Variants in RBPJ observed in about 807,000 individuals in gnomAD.
RBPJ encodes recombining binding protein suppressor of hairless.
In RBPJ, 9 loss-of-function variants were observed where a neutral mutation model predicts 67.8. The observed-to-expected ratio is 0.13, with a 90% confidence interval of 0.08 to 0.23. The LOEUF is 0.23. RBPJ is among the 10% of genes least tolerant of loss of function. The pLI is 1.00. For missense variants in RBPJ, 305 were observed against 595.6 expected, an observed-to-expected ratio of 0.51 and a Z score of 5.08; for synonymous variants, 198 against 203.3, an observed-to-expected ratio of 0.97 and a Z score of 0.22.
intron 1 of RBPJ, among the ~76,000 whole-genome samples, chr4:26,283,237 T>A (rs1339361234): frequency 6.7e-6 from 1 of 150,302 alleles, no homozygotes; most frequent in Non-Finnish European, 1.5e-5. Flanking sequence ...CCTCTTATTT[T>A]TAAATTAAAG....
intron 2 of RBPJ, 95 bp from the exon 3 acceptor site, chr4:26,406,080 T>C: frequency 1.4e-6 from 1 of 729,196 alleles, no homozygotes; most frequent in East Asian, 2.5e-5. Context: ...TAAAAAATAT[T>C]TATAAGCATT....
chr4:26,365,249 T>TA (rs1728508625), intron 1 of RBPJ, among the ~76,000 whole-genome samples: 2 of 152,188 alleles, frequency 1.3e-5, no homozygotes, highest in African/African-American at 4.8e-5. Context: ...CTGAGTCTTG[T>TA]ACTCTTCTAT....
chr4:26,405,461 G>A (rs556323851), intron 2 of RBPJ, among the ~76,000 whole-genome samples: 1 of 152,248 alleles, frequency 6.6e-6, no homozygotes, highest in South Asian at 2.1e-4. Context: ...AATTGAGTAT[G>A]TAAATACATT....
At chr4:26,279,654 G>A (rs1051018065) in intron 1 of RBPJ, among the ~76,000 whole-genome samples, 26 of 152,164 alleles carry the variant, frequency 1.7e-4, no homozygotes, top group Non-Finnish European at 3.7e-4. Flanking sequence ...TCTAAGACCA[G>A]TCCAGACAAG....
At chr4:26,295,388 G>A (rs189204730) in intron 1 of RBPJ, among the ~76,000 whole-genome samples, 5 of 152,220 alleles carry the variant, frequency 3.3e-5, no homozygotes, top group African/African-American at 1.2e-4. Context: ...ATTGTAAGTA[G>A]TTAATGCTAG....
chr4:26,387,909 C>A (rs556129045), intron 2 of RBPJ, among the ~76,000 whole-genome samples: 36 of 152,240 alleles, frequency 2.4e-4, no homozygotes, highest in African/African-American at 8.7e-4. Context: ...TGGGTCCAGG[C>A]ATGATGCTCT....
At chr4:26,296,282 C>T (rs1334937012) in intron 1 of RBPJ, among the ~76,000 whole-genome samples, 2 of 152,186 alleles carry the variant, frequency 1.3e-5, no homozygotes, top group African/African-American at 4.8e-5. Flanking sequence ...CCTACCCCAC[C>T]TCTAACAATG....
the RBPJ span, among the ~76,000 whole-genome samples, chr4:26,115,388 AG>A: frequency 6.6e-6 from 1 of 151,732 alleles, no homozygotes; most frequent in African/African-American, 2.4e-5. Context: ...GGCCAGTATA[AG>A]TTTTTTTTTT....
intron 2 of RBPJ, among the ~76,000 whole-genome samples, chr4:26,392,081 A>C (rs1465868157): frequency 6.6e-6 from 1 of 152,146 alleles, no homozygotes; most frequent in African/African-American, 2.4e-5. Context: ...ACCTCCTATT[A>C]GGTTTCAACA....
At chr4:26,297,697 CAAAGAAAAAAAGAAAGAA>C (rs1359244694) in intron 1 of RBPJ, among the ~76,000 whole-genome samples, 4 of 149,914 alleles carry the variant, frequency 2.7e-5, no homozygotes, top group African/African-American at 7.4e-5. Flanking sequence ...TATAATTTAT[CAAAGAAAAAAAGAAAGAA>C]AAAGAAAAAA....
rs1259577907 is a variant in RBPJ, at chr4:26,177,526, A to C, written c.-167+13912A>C. On this transcript the variant is annotated intron_variant, in intron 1 of 4. Transcript: ENST00000512351. Reference sequence around the variant, plus strand: ...CGAGAGGTGGAGGTTGCAGTGAGCCAAGATTGCACCACTGCACTCCAGCCT... The same window carrying C: ...CGAGAGGTGGAGGTTGCAGTGAGCCCAGATTGCACCACTGCACTCCAGCCT... 6.6e-5 allele frequency among the ~76,000 whole-genome samples: 10 copies of C among 152,224 alleles called. No individual in the cohort carries two copies. The South Asian group carries it at 1.5e-3, about 22-fold the overall frequency.
chr4:26,412,144 A>G (rs1379026048), intron 3 of RBPJ, among the ~76,000 whole-genome samples: 1 of 150,090 alleles, frequency 6.7e-6, no homozygotes, highest in Non-Finnish European at 1.5e-5. Flanking sequence ...ACCATTTATG[A>G]TAACTCATTG....
chr4:26,393,986 C>T (rs1054603046), intron 2 of RBPJ, among the ~76,000 whole-genome samples: 2 of 151,468 alleles, frequency 1.3e-5, no homozygotes, highest in East Asian at 3.9e-4. Context: ...TTGATTAAGG[C>T]TCGTTAATAA....
At chr4:26,229,027 C>A in intron 1 of RBPJ, among the ~76,000 whole-genome samples, 1 of 152,160 alleles carries the variant, frequency 6.6e-6, no homozygotes, top group East Asian at 1.9e-4. Flanking sequence ...CTCTTCTTGG[C>A]TTTGTTTTTC....
chr4:26,273,749 T>A (rs907138181), intron 1 of RBPJ, among the ~76,000 whole-genome samples: 1 of 152,190 alleles, frequency 6.6e-6, no homozygotes, highest in African/African-American at 2.4e-5. Flanking sequence ...GGAGGTCTGT[T>A]TGCATCACTG....
intron 1 of RBPJ, among the ~76,000 whole-genome samples, chr4:26,169,617 A>G (rs1364384312): frequency 3.9e-5 from 6 of 152,182 alleles, no homozygotes; most frequent in Non-Finnish European, 7.3e-5. Flanking sequence ...TCAGACAGGG[A>G]CATTTAAGTC....
At chr4:26,320,890 G>A (rs1560262744), upstream of RBPJ, 2 of 1,585,514 alleles carry the variant, frequency 1.3e-6, no homozygotes, top group South Asian at 1.1e-5. Flanking sequence ...TCTTCGCGGC[G>A]GCGGCGAGGG....
intron 1 of RBPJ, among the ~76,000 whole-genome samples, chr4:26,375,794 G>A (rs1223187397): frequency 6.6e-6 from 1 of 152,184 alleles, no homozygotes; most frequent in African/African-American, 2.4e-5. Context: ...GCAAGTCAGG[G>A]GAAAGGGATG....
chr4:26,157,506 T>C, the RBPJ span, among the ~76,000 whole-genome samples: 19 of 152,216 alleles, frequency 1.2e-4, no homozygotes, highest in African/African-American at 4.1e-4. Flanking sequence ...AGCAGCTTAT[T>C]TACTTTCAAA....
Sources: gnomAD v4.1 joint callset for allele counts (sites outside exome capture counted in the v4.1 genomes callset) on GRCh38, gnomAD v4.1.1 for gene constraint, MANE v1.5 for transcripts, NCBI Gene and HGNC (gene_info 2026-07-23, HGNC 2026-07-21) for gene names.